The following DHX32 variants were observed in gnomAD, a reference collection of about 807,000 sequenced individuals.
DHX32 encodes putative pre-mRNA-splicing factor ATP-dependent RNA helicase DHX32.
A neutral mutation model predicts 70.0 loss-of-function variants in DHX32; 51 were observed. The observed-to-expected ratio is 0.73, with a 90% CI of 0.58 to 0.92. DHX32 has a LOEUF of 0.92. DHX32 is among the 40% of genes least tolerant of loss of function. The pLI, the probability that DHX32 is intolerant of heterozygous loss-of-function variation, is 0.00. For synonymous variants in DHX32, 310 were observed against 315.3 expected, an observed-to-expected ratio of 0.98 and a Z score of 0.18; for missense variants, 762 against 891.8, an observed-to-expected ratio of 0.85 and a Z score of 1.85.
chr10:125,868,518 C>G (rs1352104862), intron 1 of DHX32, among the ~76,000 whole-genome samples: 1 of 152,146 alleles, frequency 6.6e-6, no homozygotes, highest in Non-Finnish European at 1.5e-5. Context: ...CTGTAAATTC[C>G]TAAGGACTGA....
rs758766447 is a variant in DHX32 at position 125,854,101 on chromosome 10, A to G, written c.952T>C (p.Leu318=). The G allele has an allele frequency of 8.7e-6, 14 of 1,613,968 alleles. No individual in the cohort carries two copies. The Admixed American group carries it at 1.7e-4, about 19-fold the overall frequency. ...VPLYPKEKCS[L]FKPLDETEKR... is the part of the protein sequence containing the mutation. The stretch of plus-strand genomic sequence containing the variant: ...TCTGTTTCATCGAGTGGCTTGAACA[A>G]TGAACATTTCTCTTTTGGATACAAA... Residue 318 remains leucine, a synonymous_variant, in exon 4 of 11, where the codon TTG becomes CTG. Coordinates refer to ENST00000284690, the MANE Select transcript of DHX32 (RefSeq NM_018180.3).
In DHX32 at chr10:125,839,130, T is replaced by G. The variant is rs1391732235; in HGVS notation, c.1752A>C (p.Ala584=). ...CTAAGAGTTCAGCTCGAATAACATC[T>G]GCCATTCTGAGTGCTGAACAGTTGA... The part of the protein sequence containing the change: ...YFLNCSALRM[A]DVIRAELLEI... Residue 584 remains alanine, a synonymous_variant, in exon 9 of 11, where the codon GCA becomes GCC. Coordinates refer to ENST00000284690, the MANE Select transcript of DHX32 (RefSeq NM_018180.3). The G allele has an allele frequency of 3.7e-6, 6 of 1,614,116 alleles. No homozygotes were observed. Among genetic ancestry groups the G allele is most frequent in the Non-Finnish European group, 5.1e-6 (6 of 1,180,042 alleles).
chr10:125,837,212 C>T (rs1854720080), intron 10 of DHX32, among the ~76,000 whole-genome samples: 1 of 152,120 alleles, frequency 6.6e-6, no homozygotes, highest in East Asian at 1.9e-4. Context: ...GAGGGGGTAT[C>T]TTTGCTTCTT....
intron 1 of DHX32, among the ~76,000 whole-genome samples, chr10:125,875,567 C>A (rs1171445430): frequency 6.6e-6 from 1 of 152,198 alleles, no homozygotes; most frequent in Admixed American, 6.5e-5. Context: ...AAAGCTCAGA[C>A]TTACAGAAAG....
intron 1 of DHX32, among the ~76,000 whole-genome samples, chr10:125,867,671 G>A (rs1944230103): frequency 6.7e-6 from 1 of 150,064 alleles, no homozygotes; most frequent in African/African-American, 2.5e-5. Context: ...GGGAGGCGGA[G>A]CTTGCAGTGA....
At chr10:125,841,284 T>C in intron 7 of DHX32, 2 of 1,613,996 alleles carry the variant, frequency 1.2e-6, no homozygotes, top group South Asian at 1.1e-5. Flanking sequence ...TGCTTGGAGG[T>C]CCAGACACAA....
At chr10:125,877,940 T>C (rs1944293780) in intron 1 of DHX32, among the ~76,000 whole-genome samples, 1 of 152,164 alleles carries the variant, frequency 6.6e-6, no homozygotes, top group African/African-American at 2.4e-5. Flanking sequence ...CTATGAGAAA[T>C]GGGACTTCTT....
At chr10:125,869,942 G>A (rs539233276) in intron 1 of DHX32, among the ~76,000 whole-genome samples, 82 of 152,154 alleles carry the variant, frequency 5.4e-4, no homozygotes, top group African/African-American at 1.9e-3. Flanking sequence ...ATAAAACCAC[G>A]GGAAAATTAC....
At chr10:125,858,907 A>C (rs1944164724) in intron 3 of DHX32, among the ~76,000 whole-genome samples, 1 of 152,098 alleles carries the variant, frequency 6.6e-6, no homozygotes, top group South Asian at 2.1e-4. Context: ...AAAAAAATGC[A>C]ACCCCAAATG....
chr10:125,866,385 TCTC>T lies in DHX32; in HGVS notation c.476+602_476+604del, dbSNP rs1944220101. Among the ~76,000 whole-genome samples the T allele has an allele frequency of 6.6e-6, 1 of 152,010 alleles. No homozygotes were observed. Among genetic ancestry groups the T allele is most frequent in the South Asian group, 2.1e-4 (1 of 4,806 alleles). On this transcript the variant is annotated intron_variant, in intron 2 of 10. Transcript: ENST00000284690. This position sits in a 1 kb window ranked among gnomAD's most constrained non-coding sequence, Gnocchi z 4.8. ...ACAACTTGCGGTAGCCACAGAGAAG[TCTC>T]CTTGGAACATAGAAGACTCTGCAAA...
At chr10:125,867,841 G>C (rs187346558) in intron 1 of DHX32, among the ~76,000 whole-genome samples, 1 of 149,868 alleles carries the variant, frequency 6.7e-6, no homozygotes, top group Admixed American at 6.6e-5. Context: ...TTTTCTTTTT[G>C]ATTAGAAGGC....
Position 125,859,721 on chromosome 10 carries a change from T to C in DHX32, c.731A>G (p.Glu244Gly). The C allele has an allele frequency of 6.2e-7, 1 of 1,614,078 alleles. No individual in the cohort carries two copies. Among genetic ancestry groups the C allele is most frequent in the Non-Finnish European group, 8.5e-7 (1 of 1,179,996 alleles). The change falls in exon 3 of 11, where the codon GAG becomes GGG. Residue 244 changes from glutamate (E) to glycine (G), a missense_variant. Glu to Gly is a moderately conservative substitution (Grantham distance 98). Transcript: ENST00000284690. ...VIEVKNKHPV[E>G]VVYLSEAQKD... ...TTGAGCCTCACTAAGGTACACAACC[T>C]CCACAGGGTGTTTATTTTTCACTTC...
At chr10:125,852,064 C>T (rs1371083610) in intron 6 of DHX32, among the ~76,000 whole-genome samples, 1 of 152,156 alleles carries the variant, frequency 6.6e-6, no homozygotes, top group South Asian at 2.1e-4. Flanking sequence ...CAGTGTCCAA[C>T]AGCAGACACA....
intron 2 of DHX32, among the ~76,000 whole-genome samples, chr10:125,861,483 C>T (rs1047883256): frequency 6.6e-6 from 1 of 152,092 alleles, no homozygotes; most frequent in Non-Finnish European, 1.5e-5. Context: ...GGCGACAGAG[C>T]GAGACTCCCC....
intron 6 of DHX32, among the ~76,000 whole-genome samples, chr10:125,846,004 A>G (rs541462396): frequency 6.6e-6 from 1 of 152,348 alleles, no homozygotes; most frequent in South Asian, 2.1e-4. Flanking sequence ...CCCAGGCCTC[A>G]GAAAGGACTA....
At chr10:125,841,137 T>C in intron 7 of DHX32, 141 bp from the exon 8 acceptor site, 1 of 1,381,838 alleles carries the variant, frequency 7.2e-7, no homozygotes, top group Non-Finnish European at 9.9e-7. Context: ...TCTTGTTTAC[T>C]TAGAAATCCC....
intron 2 of DHX32, among the ~76,000 whole-genome samples, chr10:125,865,950 C>G (rs1358881820): frequency 1.3e-5 from 2 of 152,204 alleles, no homozygotes; most frequent in Non-Finnish European, 2.9e-5. Flanking sequence ...ACATGAGACA[C>G]TAGGGATATG....
chr10:125,850,530 T>C (rs560303397), intron 6 of DHX32, among the ~76,000 whole-genome samples: 1 of 152,044 alleles, frequency 6.6e-6, no homozygotes, highest in East Asian at 1.9e-4. Flanking sequence ...GCTAATTTTG[T>C]TTTTAGTAGA....
At chr10:125,856,797 AAAAC>A (rs1451586811) in intron 3 of DHX32, among the ~76,000 whole-genome samples, 1 of 152,158 alleles carries the variant, frequency 6.6e-6, no homozygotes, top group East Asian at 1.9e-4. Flanking sequence ...AAAAAAACAA[AAAAC>A]AAAAACTAGC....
Sources: allele counts gnomAD v4.1 joint callset (sites outside exome capture counted in the v4.1 genomes callset), GRCh38; gene constraint gnomAD v4.1.1; non-coding constraint Gnocchi (gnomAD v3.1); transcripts MANE v1.5; gene names NCBI Gene and HGNC (gene_info 2026-07-23, HGNC 2026-07-21).